Variants in ATXN7 observed in about 807,000 individuals in gnomAD.
The protein encoded by ATXN7 is ataxin-7.
ATXN7 carries 12 observed loss-of-function variants against 70.5 expected under a neutral mutation model. The ratio of observed to expected loss-of-function variants is 0.17; its 90% CI spans 0.11 to 0.28. The LOEUF (loss-of-function observed/expected upper bound fraction) is 0.28. Among genes scored for constraint, ATXN7 ranks in the 10% least tolerant of loss-of-function variants. The pLI is 1.00. For synonymous variants in ATXN7, 498 were observed against 448.7 expected, an observed-to-expected ratio of 1.11 and a Z score of -1.39; for missense variants, 1,256 against 1,131.7, an observed-to-expected ratio of 1.11 and a Z score of -1.58.
chr3:63,869,947 A>G (rs1702546962), intron 1 of ATXN7, among the ~76,000 whole-genome samples: 2 of 152,118 alleles, frequency 1.3e-5, no homozygotes, highest in Non-Finnish European at 1.5e-5. Context: ...AAAATCTTGG[A>G]TATGTCAGGG....
At chr3:63,933,471 A>G (rs3774714) in intron 4 of ATXN7, among the ~76,000 whole-genome samples, 4,029 of 152,272 alleles carry the variant, frequency 0.026, 144 homozygotes, top group East Asian at 0.15. Context: ...TAATCCACAC[A>G]AAATCTGAGG....
intron 5 of ATXN7, among the ~76,000 whole-genome samples, chr3:63,975,804 G>T (rs1040007131): frequency 1.3e-5 from 2 of 152,286 alleles, no homozygotes; most frequent in South Asian, 4.1e-4. Flanking sequence ...ACGTACTGAA[G>T]CCACAAGGGG....
chr3:63,871,998 T>G (rs1702609145), intron 1 of ATXN7, among the ~76,000 whole-genome samples: 1 of 152,228 alleles, frequency 6.6e-6, no homozygotes, highest in South Asian at 2.1e-4. Context: ...TATGATAATT[T>G]TAGCAAATTT....
intron 1 of ATXN7, among the ~76,000 whole-genome samples, chr3:63,885,146 T>C (rs916248018): frequency 6.6e-6 from 1 of 152,092 alleles, no homozygotes; most frequent in African/African-American, 2.4e-5. Context: ...AGCTTCTGTA[T>C]AACAAAGGAA....
chr3:63,983,799 A>G (rs1413062856), intron 8 of ATXN7, among the ~76,000 whole-genome samples: 3 of 152,128 alleles, frequency 2.0e-5, no homozygotes, highest in South Asian at 2.1e-4. Flanking sequence ...GAACACCTCT[A>G]CATAAATGAG....
intron 4 of ATXN7, among the ~76,000 whole-genome samples, chr3:63,922,743 A>G (rs1704557899): frequency 1.3e-5 from 2 of 152,138 alleles, no homozygotes; most frequent in Non-Finnish European, 2.9e-5. Flanking sequence ...GAAATTTCCA[A>G]TTTAACTTAG....
At chr3:63,992,330 A>G (rs978499605) in intron 11 of ATXN7, among the ~76,000 whole-genome samples, 14 of 152,182 alleles carry the variant, frequency 9.2e-5, no homozygotes, top group Admixed American at 5.2e-4. Context: ...TTCTTTATGA[A>G]GGAACATTGT....
chr3:63,938,777 A>G (rs1234779378), intron 4 of ATXN7, among the ~76,000 whole-genome samples: 2 of 152,202 alleles, frequency 1.3e-5, no homozygotes, highest in Non-Finnish European at 2.9e-5. Context: ...TATGAGTGCA[A>G]CAGAATCTTT....
intron 4 of ATXN7, among the ~76,000 whole-genome samples, chr3:63,944,331 AATAATT>A (rs1250496868): frequency 6.6e-6 from 1 of 152,172 alleles, no homozygotes; most frequent in Non-Finnish European, 1.5e-5. Context: ...ATAAAATAAT[AATAATT>A]ATAACAGTAT....
chr3:63,967,770 T>G, intron 5 of ATXN7: 1 of 1,460,030 alleles, frequency 6.8e-7, no homozygotes, highest in Non-Finnish European at 9.1e-7. Context: ...CCAGGACCTT[T>G]GTAATTCAAG....
intron 4 of ATXN7, among the ~76,000 whole-genome samples, chr3:63,947,389 A>G (rs1575935621): frequency 6.6e-6 from 1 of 152,256 alleles, no homozygotes; most frequent in Middle Eastern, 3.4e-3. Flanking sequence ...GTTTGAGACC[A>G]TTCTGGGCAA....
At chr3:63,879,919 TA>T (rs34232745) in intron 1 of ATXN7, among the ~76,000 whole-genome samples, 1 of 150,576 alleles carries the variant, frequency 6.6e-6, no homozygotes, top group Non-Finnish European at 1.5e-5. Flanking sequence ...CCATCTCTAC[TA>T]AAAAAAATAC....
At chr3:63,863,818 G>GGCGGCGCAA, upstream of ATXN7, 1 of 1,178,330 alleles carries the variant, frequency 8.5e-7, no homozygotes, top group Non-Finnish European at 1.1e-6. Context: ...CGGCGGCGGC[G>GGCGGCGCAA]GCGGCGCAAG....
chr3:63,912,110 T>TCGGACGGACGCG (rs1486944224), intron 2 of ATXN7: 3 of 152,080 alleles, frequency 2.0e-5, no homozygotes, highest in Admixed American at 6.5e-5. Flanking sequence ...GTGCCGCCGC[T>TCGGACGGACGCG]CGGACGGACG....
chr3:63,925,491 C>A (rs143461158), intron 4 of ATXN7, among the ~76,000 whole-genome samples: 5 of 152,250 alleles, frequency 3.3e-5, no homozygotes, highest in Non-Finnish European at 7.4e-5. Flanking sequence ...TGCCTGGGAT[C>A]TAGGTTGCGT....
At chr3:63,967,622 G>A (rs1240559953) in intron 5 of ATXN7, 9 of 433,204 alleles carry the variant, frequency 2.1e-5, no homozygotes, top group Non-Finnish European at 3.3e-5. Flanking sequence ...ATTTTAGCAG[G>A]TTAAACTTAT....
intron 5 of ATXN7, among the ~76,000 whole-genome samples, chr3:63,956,899 C>T (rs530833375): frequency 1.3e-5 from 2 of 152,182 alleles, no homozygotes; most frequent in Non-Finnish European, 2.9e-5. Flanking sequence ...GAGATGGTGA[C>T]GTTCCGAAAG....
chr3:63,865,371 C>G (rs1038589305), intron 1 of ATXN7: 2 of 152,164 alleles, frequency 1.3e-5, no homozygotes, highest in Admixed American at 6.5e-5. Context: ...ATGTGACTTG[C>G]TCTCCCCTAA....
At chr3:63,897,957 T>C (rs980271278) in intron 1 of ATXN7, among the ~76,000 whole-genome samples, 2 of 152,206 alleles carry the variant, frequency 1.3e-5, no homozygotes, top group Non-Finnish European at 2.9e-5. Flanking sequence ...TATTAAAAAT[T>C]GCTTTTATAA....
Sources: allele counts gnomAD v4.1 joint callset (sites outside exome capture counted in the v4.1 genomes callset), GRCh38; gene constraint gnomAD v4.1.1; transcripts MANE v1.5; gene names NCBI Gene and HGNC (gene_info 2026-07-23, HGNC 2026-07-21).